The following QTMAN variants were observed in gnomAD, a reference collection of about 807,000 sequenced individuals.
The protein encoded by QTMAN is queuosine-tRNA mannosyltransferase.
the QTMAN span, among the ~76,000 whole-genome samples, chr2:144,044,520 A>T: frequency 6.6e-6 from 1 of 152,322 alleles, no homozygotes; most frequent in East Asian, 1.9e-4. Context: ...TTCTGTTCAA[A>T]AGACGTGTCA....
chr2:144,205,288 C>T, the QTMAN span, among the ~76,000 whole-genome samples: 3 of 152,204 alleles, frequency 2.0e-5, no homozygotes, highest in Admixed American at 6.5e-5. Flanking sequence ...TGTCCTCATG[C>T]TTGTACTTCA....
At chr2:144,025,577 G>C in the QTMAN span, among the ~76,000 whole-genome samples, 1 of 152,186 alleles carries the variant, frequency 6.6e-6, no homozygotes, top group East Asian at 1.9e-4. Flanking sequence ...TGGGCCTGTA[G>C]GGCAAGGTAC....
chr2:144,040,774 GAGA>G, the QTMAN span, among the ~76,000 whole-genome samples: 1 of 152,122 alleles, frequency 6.6e-6, no homozygotes, highest in Admixed American at 6.5e-5. Flanking sequence ...ATCAGATGAT[GAGA>G]AGAACTCAAA....
the QTMAN span, among the ~76,000 whole-genome samples, chr2:144,288,288 G>A: frequency 6.6e-6 from 1 of 151,892 alleles, no homozygotes; most frequent in Admixed American, 6.6e-5. Flanking sequence ...TTCTTTGAAG[G>A]GGAACAAAAA....
the QTMAN span, among the ~76,000 whole-genome samples, chr2:144,055,846 G>A: frequency 2.6e-5 from 4 of 152,198 alleles, no homozygotes; most frequent in African/African-American, 7.2e-5. Flanking sequence ...CCATCAGGTA[G>A]AAACAAATGA....
At chr2:144,209,545 T>C in the QTMAN span, among the ~76,000 whole-genome samples, 1 of 152,218 alleles carries the variant, frequency 6.6e-6, no homozygotes, top group Non-Finnish European at 1.5e-5. Context: ...AACCTTTCTT[T>C]AGACAAGCAA....
At chr2:144,288,309 CA>C in the QTMAN span, among the ~76,000 whole-genome samples, 4 of 152,026 alleles carry the variant, frequency 2.6e-5, no homozygotes, top group African/African-American at 7.3e-5. Context: ...AACTGTACCA[CA>C]AAAATGACAA....
the QTMAN span, among the ~76,000 whole-genome samples, chr2:144,098,610 G>A: frequency 4.1e-4 from 63 of 151,984 alleles, no homozygotes; most frequent in Middle Eastern, 6.8e-3. Context: ...AGCTACTCGG[G>A]AGGCTGAGGC....
the QTMAN span, among the ~76,000 whole-genome samples, chr2:144,280,291 C>A: frequency 6.6e-6 from 1 of 152,136 alleles, no homozygotes. Flanking sequence ...CAAATCCACC[C>A]ATATACAGAA....
chr2:144,145,983 TAAAAAAAAAAAAAAAAAAAAAA>T, the QTMAN span: 3 of 19,440 alleles, frequency 1.5e-4, no homozygotes, highest in South Asian at 2.9e-3. Context: ...TGAGAAATGT[TAAAAAAAAAAAAAAAAAAAAAA>T]AAAAAAAAAA....
the QTMAN span, among the ~76,000 whole-genome samples, chr2:144,275,405 A>G: frequency 6.6e-6 from 1 of 151,550 alleles, no homozygotes; most frequent in Admixed American, 6.6e-5. Flanking sequence ...AAAAGCCTTG[A>G]ATATTAGTAT....
the QTMAN span, among the ~76,000 whole-genome samples, chr2:144,133,151 A>ATATATATATATAT: frequency 1.6e-4 from 8 of 51,382 alleles, no homozygotes; most frequent in African/African-American, 7.2e-4. Flanking sequence ...ATATATATAT[A>ATATATATATATAT]ATATAATATA....
the QTMAN span, among the ~76,000 whole-genome samples, chr2:144,045,798 G>A: frequency 1.3e-5 from 2 of 152,186 alleles, no homozygotes; most frequent in African/African-American, 4.8e-5. Flanking sequence ...AGAGAGGAAG[G>A]AGGTCAAGGC....
At chr2:144,206,154 T>C in the QTMAN span, among the ~76,000 whole-genome samples, 1 of 152,198 alleles carries the variant, frequency 6.6e-6, no homozygotes, top group African/African-American at 2.4e-5. Flanking sequence ...AAAACACCAA[T>C]ATGTATCTAC....
At chr2:144,160,528 G>C in the QTMAN span, among the ~76,000 whole-genome samples, 1 of 152,018 alleles carries the variant, frequency 6.6e-6, no homozygotes, top group Non-Finnish European at 1.5e-5. Context: ...TGGAACTTTT[G>C]GTATAGAAGT....
the QTMAN span, among the ~76,000 whole-genome samples, chr2:144,045,870 G>C: frequency 6.6e-6 from 1 of 152,176 alleles, no homozygotes. Context: ...GGGGGTTTTT[G>C]TCATGTTAGC....
chr2:144,002,218 AT>A, the QTMAN span, among the ~76,000 whole-genome samples: 3 of 151,974 alleles, frequency 2.0e-5, no homozygotes, highest in Non-Finnish European at 4.4e-5. Context: ...CTCGATAGAT[AT>A]CTTTTAATAA....
the QTMAN span, among the ~76,000 whole-genome samples, chr2:144,107,517 A>C: frequency 1.3e-5 from 2 of 152,202 alleles, no homozygotes; most frequent in Admixed American, 6.5e-5. Context: ...GAAATGGATA[A>C]ATTCCTGGAC....
At chr2:144,060,403 G>C in the QTMAN span, among the ~76,000 whole-genome samples, 2 of 152,208 alleles carry the variant, frequency 1.3e-5, no homozygotes, top group African/African-American at 4.8e-5. Context: ...TGGGATTATA[G>C]GCGCCTGGCA....
Sources: gnomAD v4.1 joint callset for allele counts (sites outside exome capture counted in the v4.1 genomes callset) on GRCh38, gnomAD v4.1.1 for gene constraint, MANE v1.5 for transcripts, NCBI Gene and HGNC (gene_info 2026-07-23, HGNC 2026-07-21) for gene names.